LINGO2: variants seen among roughly 807,000 people sequenced by gnomAD.
LINGO2 encodes leucine-rich repeat and immunoglobulin-like domain-containing nogo receptor-interacting protein 2.
A neutral mutation model predicts 30.6 loss-of-function variants in LINGO2; 14 were observed. The observed-to-expected ratio is 0.46, with a 90% CI of 0.30 to 0.72. The LOEUF (loss-of-function observed/expected upper bound fraction) is 0.72, where lower values mean the gene tolerates loss of function less well. Among genes scored for constraint, LINGO2 ranks in the 30% least tolerant of loss-of-function variants. LINGO2 has a pLI of 0.07. For missense variants in LINGO2, 729 were observed against 751.7 expected (o/e 0.97, Z 0.35); for synonymous variants, 317 against 288.5 (o/e 1.10, Z -1.00).
At chr9:28,647,509 G>A (rs12348240) in intron 1 of LINGO2, among the ~76,000 whole-genome samples, 45,819 of 151,786 alleles carry the variant, frequency 0.3, 8,016 homozygotes, top group African/African-American at 0.48. Context: ...ACTTTATAAT[G>A]TACTTTATTT....
the LINGO2 span, among the ~76,000 whole-genome samples, chr9:29,117,712 G>C: frequency 6.6e-6 from 1 of 152,200 alleles, no homozygotes; most frequent in Non-Finnish European, 1.5e-5. Context: ...GCTTCTGCCT[G>C]TTGAAGGCAA....
chr9:28,408,098 G>A (rs1181718512), intron 2 of LINGO2, among the ~76,000 whole-genome samples: 1 of 152,122 alleles, frequency 6.6e-6, no homozygotes, highest in Non-Finnish European at 1.5e-5. Context: ...GTAAAGGGAG[G>A]AGGCAGTGCT....
the LINGO2 span, among the ~76,000 whole-genome samples, chr9:28,687,845 A>G: frequency 1.3e-5 from 2 of 152,104 alleles, no homozygotes; most frequent in Non-Finnish European, 2.9e-5. Flanking sequence ...ATTTCCTGAA[A>G]CACGGCTATA....
chr9:28,064,261 C>T (rs1194217866), intron 4 of LINGO2, among the ~76,000 whole-genome samples: 1 of 152,080 alleles, frequency 6.6e-6, no homozygotes, highest in Non-Finnish European at 1.5e-5. Context: ...TAAGTGCCTT[C>T]GGGTTAAAGG....
the LINGO2 span, among the ~76,000 whole-genome samples, chr9:28,706,531 GA>G: frequency 6.6e-6 from 1 of 152,112 alleles, no homozygotes; most frequent in African/African-American, 2.4e-5. Flanking sequence ...AAAATTTCAA[GA>G]TGCATTTTTG....
chr9:28,438,085 G>C (rs1032959872), intron 2 of LINGO2, among the ~76,000 whole-genome samples: 4 of 152,068 alleles, frequency 2.6e-5, no homozygotes, highest in Non-Finnish European at 5.9e-5. Flanking sequence ...AAAGGCCTAG[G>C]GCTTTCATGA....
chr9:28,095,311 C>T lies in LINGO2; in HGVS notation c.-86-82906G>A, dbSNP rs891408681. Among the ~76,000 whole-genome samples the T allele has an allele frequency of 1.1e-4, 16 of 152,160 alleles. 1 individual carries two copies. The highest frequency in any genetic ancestry group is 7.8e-4 in the East Asian group (4 of 5,160). ...GTATCCCAACTACTCAGTCAGCAAC[C>T]GCAGCACCAATGTTGTTTTTCCAAG... is the stretch of plus-strand genomic sequence containing the variant. On this transcript the variant is annotated intron_variant, in intron 4 of 5. Transcript: ENST00000379992.
chr9:28,952,810 C>T, the LINGO2 span, among the ~76,000 whole-genome samples: 2 of 152,112 alleles, frequency 1.3e-5, no homozygotes, highest in Admixed American at 6.6e-5. Flanking sequence ...CAGATCAAAA[C>T]GCATGCCCAT....
intron 4 of LINGO2, among the ~76,000 whole-genome samples, chr9:28,222,156 T>C (rs1262783036): frequency 6.6e-6 from 1 of 152,180 alleles, no homozygotes; most frequent in East Asian, 1.9e-4. Context: ...TTTGATTAAT[T>C]ATTCAACTGT....
At chr9:29,176,438 T>C in the LINGO2 span, among the ~76,000 whole-genome samples, 1 of 152,214 alleles carries the variant, frequency 6.6e-6, no homozygotes. Flanking sequence ...TTTGACTTTG[T>C]TCTCCCTCTT....
intron 1 of LINGO2, among the ~76,000 whole-genome samples, chr9:28,588,969 G>T (rs1290707093): frequency 6.6e-6 from 1 of 151,908 alleles, no homozygotes; most frequent in Admixed American, 6.6e-5. Flanking sequence ...CTGCCAATGA[G>T]TCTTAACTAT....
At chr9:28,044,457 A>G (rs1824326805) in intron 4 of LINGO2, among the ~76,000 whole-genome samples, 1 of 152,214 alleles carries the variant, frequency 6.6e-6, no homozygotes, top group Non-Finnish European at 1.5e-5. Context: ...GTCTCAAAAC[A>G]GACTTTCCTA....
rs1448915735 is a variant in LINGO2 at position 28,300,924 on chromosome 9, G to T, written c.-245-5558C>A. ...TTGAGTAGAAAATAATTCATAAATT[G>T]ATCCTGATTGGTTTGGCTTGGCCTG... On this transcript the variant is annotated intron_variant, in intron 3 of 5. Coordinates refer to ENST00000379992, the Ensembl canonical transcript of LINGO2. 1.3e-5 allele frequency among the ~76,000 whole-genome samples: 2 copies of T among 151,166 alleles called. 1 individual carries two copies. The highest frequency in any genetic ancestry group is 4.9e-5 in the African/African-American group (2 of 40,590).
At chr9:28,671,713 C>G (rs1044863045), upstream of LINGO2, among the ~76,000 whole-genome samples, 1 of 151,714 alleles carries the variant, frequency 6.6e-6, no homozygotes, top group African/African-American at 2.4e-5. Context: ...ACGAAATAAC[C>G]CGTACAAGAA....
the LINGO2 span, among the ~76,000 whole-genome samples, chr9:28,871,042 A>G: frequency 6.6e-6 from 1 of 151,958 alleles, no homozygotes; most frequent in African/African-American, 2.4e-5. Context: ...CATCTACAGA[A>G]ATGTTTACAT....
chr9:28,656,186 C>T (rs1372310956), intron 1 of LINGO2, among the ~76,000 whole-genome samples: 1 of 151,784 alleles, frequency 6.6e-6, no homozygotes, highest in Non-Finnish European at 1.5e-5. Context: ...AAACATGTTT[C>T]CTAAATACAT....
chr9:28,059,437 G>A lies in LINGO2; in HGVS notation c.-86-47032C>T, dbSNP rs1825072459. Reference sequence around the variant, plus strand: ...TGACTCCGCCGGTCTTTGTCCACCCGCACGACTTGGTGTTGGGTCTGATCA... The same window carrying A: ...TGACTCCGCCGGTCTTTGTCCACCCACACGACTTGGTGTTGGGTCTGATCA... On this transcript the variant is annotated intron_variant, in intron 4 of 5. Coordinates refer to ENST00000379992, the Ensembl canonical transcript of LINGO2. Among the ~76,000 whole-genome samples, 3 of 151,910 alleles carry A rather than the reference G, an allele frequency of 2.0e-5. No individual in the cohort carries two copies. The South Asian group carries it at 6.2e-4, about 31-fold the overall frequency.
intron 4 of LINGO2, among the ~76,000 whole-genome samples, chr9:28,017,501 C>T (rs1822898225): frequency 6.6e-6 from 1 of 152,060 alleles, no homozygotes; most frequent in African/African-American, 2.4e-5. Context: ...TTTCAGGATA[C>T]AAAAATAAAT....
rs145562657 is a variant in LINGO2 at position 28,210,769 on chromosome 9, G to A, written c.-87+84439C>T. Reference sequence around the variant, plus strand: ...TTCCTGATACAAATCATTTCCATGAGTATTTTGTGATATTTGGAGAAATAT... The same window carrying A: ...TTCCTGATACAAATCATTTCCATGAATATTTTGTGATATTTGGAGAAATAT... On this transcript the variant is annotated intron_variant, in intron 4 of 5. Transcript: ENST00000379992. 6.1e-3 allele frequency among the ~76,000 whole-genome samples: 922 copies of A among 151,386 alleles called. 19 individuals are homozygous for A. Among genetic ancestry groups the A allele is most frequent in the African/African-American group, 0.021 (869 of 41,394 alleles).
Sources: gnomAD v4.1 joint callset for allele counts (sites outside exome capture counted in the v4.1 genomes callset) on GRCh38, gnomAD v4.1.1 for gene constraint, MANE v1.5 for transcripts, NCBI Gene and HGNC (gene_info 2026-07-23, HGNC 2026-07-21) for gene names.